Variants in PRKG1 observed in about 807,000 individuals in gnomAD.
PRKG1 encodes protein kinase cGMP-dependent 1, also known as cGMP-dependent protein kinase 1.
Under a neutral mutation model 88.1 loss-of-function variants are expected in PRKG1, and 35 were observed. The observed-to-expected ratio is 0.40, with a 90% CI of 0.30 to 0.53. The LOEUF (loss-of-function observed/expected upper bound fraction) is 0.53. Ranked by LOEUF, PRKG1 falls within the 20% of genes least tolerant of loss-of-function variation. The pLI, the probability that PRKG1 is intolerant of heterozygous loss-of-function variation, is 0.59. For missense variants in PRKG1, 540 were observed against 839.8 expected (o/e 0.64, Z 4.41); for synonymous variants, 303 against 292.5 (o/e 1.04, Z -0.37).
chr10:52,045,395 A>G (rs1397306902), intron 5 of PRKG1, among the ~76,000 whole-genome samples: 2 of 152,258 alleles, frequency 1.3e-5, no homozygotes, highest in Middle Eastern at 3.4e-3. Context: ...GACCAAGCAC[A>G]AATGCCTTGT....
intron 2 of PRKG1, among the ~76,000 whole-genome samples, chr10:51,441,860 C>T (rs1839118870): frequency 6.6e-6 from 1 of 151,952 alleles, no homozygotes. Flanking sequence ...TTTTGCCTCT[C>T]ATAGTTTCTT....
At chr10:51,888,283 C>T (rs1002911332) in intron 4 of PRKG1, among the ~76,000 whole-genome samples, 3 of 152,160 alleles carry the variant, frequency 2.0e-5, no homozygotes, top group Admixed American at 6.5e-5. Flanking sequence ...TTTGCCAAAG[C>T]ACTGCTTAGT....
chr10:51,243,307 G>A (rs1839202497), intron 2 of PRKG1, among the ~76,000 whole-genome samples: 1 of 152,202 alleles, frequency 6.6e-6, no homozygotes, highest in African/African-American at 2.4e-5. Context: ...ATAAAGAGTA[G>A]TGCAGAGTCT....
At chr10:51,393,654 T>C (rs970770627) in intron 2 of PRKG1, among the ~76,000 whole-genome samples, 5 of 152,158 alleles carry the variant, frequency 3.3e-5, no homozygotes, top group Non-Finnish European at 5.9e-5. Flanking sequence ...GCAGGTGGCA[T>C]TGGCTCAGGA....
At chr10:51,691,859 A>G (rs990590264) in intron 3 of PRKG1, among the ~76,000 whole-genome samples, 2 of 152,184 alleles carry the variant, frequency 1.3e-5, no homozygotes, top group Admixed American at 1.3e-4. Context: ...CAGATCACCA[A>G]TTTGAGGTTT....
At chr10:51,251,446 G>C (rs920966762) in intron 2 of PRKG1, among the ~76,000 whole-genome samples, 2 of 151,754 alleles carry the variant, frequency 1.3e-5, no homozygotes, top group African/African-American at 2.4e-5. Context: ...ACAGCTTATT[G>C]TATCTGCCAG....
chr10:51,697,376 G>A (rs1841323164), intron 3 of PRKG1: 3 of 243,188 alleles, frequency 1.2e-5, no homozygotes, highest in Admixed American at 5.1e-5. Context: ...AGTTTTACTC[G>A]ACATTTAAAA....
chr10:52,139,601 T>C (rs1837521027), intron 8 of PRKG1, among the ~76,000 whole-genome samples: 1 of 152,100 alleles, frequency 6.6e-6, no homozygotes, highest in Non-Finnish European at 1.5e-5. Context: ...GCATGGCCAT[T>C]GGAACCCAGA....
chr10:51,450,122 A>G (rs1298472245), intron 2 of PRKG1, among the ~76,000 whole-genome samples: 1 of 152,004 alleles, frequency 6.6e-6, no homozygotes, highest in Non-Finnish European at 1.5e-5. Context: ...AAATTAATTT[A>G]TTGCTGCTCA....
intron 7 of PRKG1, among the ~76,000 whole-genome samples, chr10:52,127,502 A>G (rs1301294820): frequency 6.6e-6 from 1 of 152,218 alleles, no homozygotes; most frequent in Non-Finnish European, 1.5e-5. Flanking sequence ...TTGGGAAAAC[A>G]CCTATCATCT....
chr10:51,565,748 G>A (rs1306075662), intron 3 of PRKG1, among the ~76,000 whole-genome samples: 1 of 151,896 alleles, frequency 6.6e-6, no homozygotes, highest in African/African-American at 2.4e-5. Context: ...AAATTAGAAG[G>A]GAATAAACCT....
chr10:51,430,072 A>G (rs575453036), intron 2 of PRKG1, among the ~76,000 whole-genome samples: 2 of 152,070 alleles, frequency 1.3e-5, no homozygotes, highest in East Asian at 3.9e-4. Context: ...TACATATATC[A>G]TAAACAAATT....
At chr10:52,264,932 G>A (rs149079111) in intron 10 of PRKG1, among the ~76,000 whole-genome samples, 303 of 152,074 alleles carry the variant, frequency 2.0e-3, no homozygotes, top group Middle Eastern at 6.8e-3. Flanking sequence ...GGACCATCAT[G>A]TTTCCTTAAG....
intron 2 of PRKG1, among the ~76,000 whole-genome samples, chr10:51,284,010 A>G (rs1840369217): frequency 6.6e-6 from 1 of 152,224 alleles, no homozygotes; most frequent in Admixed American, 6.5e-5. Context: ...ACTGTCTGCT[A>G]TACATATATA....
In PRKG1 at chr10:51,495,508, G is replaced by A. The variant is rs181110782; in HGVS notation, c.592+27672G>A. ...AAGGAAAGATATCATTCCATATAGC[G>A]CAAGAACTTCAAGGAAAGACGCTAT... On this transcript the variant is annotated intron_variant, in intron 3 of 17. Coordinates refer to ENST00000373980, the MANE Select transcript of PRKG1 (RefSeq NM_006258.4). Among the ~76,000 whole-genome samples the A allele has an allele frequency of 4.7e-4, 72 of 152,246 alleles. 1 individual carries two copies. The highest frequency in any genetic ancestry group is 1.6e-3 in the African/African-American group (66 of 41,542).
intron 7 of PRKG1, among the ~76,000 whole-genome samples, chr10:52,107,699 A>G: frequency 6.6e-6 from 1 of 152,236 alleles, no homozygotes; most frequent in South Asian, 2.1e-4. Context: ...GTTTTCACAA[A>G]TTCTTATTAT....
Position 51,115,372 on chromosome 10 carries a change from C to CAT in PRKG1, c.312-37780_312-37779dup, listed in dbSNP as rs57104400. Among the ~76,000 whole-genome samples the CAT allele has an allele frequency of 3.4e-3, 109 of 31,920 alleles. 11 individuals carry two copies. The highest frequency in any genetic ancestry group is 6.0e-3 in the South Asian group (4 of 664). 20.9% of individuals were successfully genotyped at this position (31,920 alleles called of 152,430 possible). A position where few individuals can be genotyped will look rare whatever the true frequency, so the allele number is the denominator to read the frequency against. ...GATGTTACAATAATGTTCCTTTAAA[C>CAT]ATATATATATATAAAACAAATGTGA... On this transcript the variant is annotated intron_variant, in intron 1 of 17. Transcript: ENST00000373980.
At chr10:51,268,102 A>C (rs1839884005) in intron 2 of PRKG1, among the ~76,000 whole-genome samples, 1 of 152,220 alleles carries the variant, frequency 6.6e-6, no homozygotes. Flanking sequence ...ATGCCCCACA[A>C]GCCACAAAAC....
At chr10:52,021,118 A>C (rs779210484) in intron 5 of PRKG1, among the ~76,000 whole-genome samples, 8 of 152,170 alleles carry the variant, frequency 5.3e-5, no homozygotes. Context: ...CTGATGTCCC[A>C]AAAACTAAGC....
Sources: gnomAD v4.1 joint callset for allele counts (sites outside exome capture counted in the v4.1 genomes callset) on GRCh38, gnomAD v4.1.1 for gene constraint, MANE v1.5 for transcripts, NCBI Gene and HGNC (gene_info 2026-07-23, HGNC 2026-07-21) for gene names.